The following CACNA1F variants were observed in gnomAD, a reference collection of about 807,000 sequenced individuals.
CACNA1F encodes the protein calcium voltage-gated channel subunit alpha1 F.
CACNA1F carries 59 observed loss-of-function variants against 143.8 expected under a neutral mutation model. The ratio of observed to expected loss-of-function variants is 0.41; its 90% CI spans 0.33 to 0.51. The LOEUF (loss-of-function observed/expected upper bound fraction) is 0.51. Ranked by LOEUF, CACNA1F falls within the 20% of genes least tolerant of loss-of-function variation. The probability of loss-of-function intolerance (pLI) is 0.22; values close to 1 mark genes in which losing one functional copy is unlikely to be tolerated. For missense variants in CACNA1F, 1,411 were observed against 1,647.5 expected, an observed-to-expected ratio of 0.86 and a Z score of 2.48; for synonymous variants, 643 against 649.1, an observed-to-expected ratio of 0.99 and a Z score of 0.14.
In CACNA1F at chrX:49,214,173, C is replaced by T. The variant is rs1486493194; in HGVS notation, c.3694G>A (p.Ala1232Thr). 3.4e-6 allele frequency: 4 copies of T among 1,190,159 alleles called. No homozygotes were observed. Among genetic ancestry groups the T allele is most frequent in the Non-Finnish European group, 3.4e-6 (3 of 876,837 alleles). The stretch of plus-strand genomic sequence containing the variant: ...AGGGGGGCCACCTTGGGCTTGAAGG[C>T]GATGATTTTGAGCACCATCTCAATA... ...FTIEMVLKII[A>T]FKPKHYFTDA... The change falls in exon 30 of 48, where the codon GCC (alanine) becomes ACC (threonine). Residue 1232 changes from alanine (A) to threonine (T), a missense_variant. Physicochemically the swap from Ala to Thr is moderately conservative, Grantham distance 58 (BLOSUM62 0). This residue lies in a region of CACNA1F where 950 missense variants were observed against 1,128.1 expected (regional missense o/e 0.84). Transcript: ENST00000323022.
rs375862263 is a variant in CACNA1F, at chrX:49,219,759, CTCTTCT to C, written c.2412_2417del (p.Glu813_Glu814del). Reference sequence around the variant, plus strand: ...CCTCTTCCTCTTCTTCCTCTTCTTCCTCTTCTTCCTCCTCCTCCTCCTCCTCCATGT... The same window carrying C: ...CCTCTTCCTCTTCTTCCTCTTCTTCCTCCTCCTCCTCCTCCTCCTCCATGT... On this transcript the variant is annotated inframe_deletion, in exon 20 of 48. Coordinates refer to ENST00000323022, the MANE Select transcript of CACNA1F (RefSeq NM_001256789.3). 9 of 1,130,550 alleles carry C rather than the reference CTCTTCT, an allele frequency of 8.0e-6. No homozygotes were observed. In the African/African-American group the frequency reaches 8.3e-5, roughly 10 times the overall value. 93.2% of individuals were successfully genotyped at this position (1,130,550 alleles called of 1,213,427 possible). A position where few individuals can be genotyped will look rare whatever the true frequency, so the allele number is the denominator to read the frequency against.
intron 27 of CACNA1F, among the ~76,000 whole-genome samples, chrX:49,215,974 G>A (rs1301453986): frequency 4.6e-5 from 5 of 108,015 alleles, no homozygotes; most frequent in Admixed American, 1.0e-4. Flanking sequence ...TCCCCACAGA[G>A]CCCCACAATG....
rs782306171 is a variant in CACNA1F, at chrX:49,213,010, G to A, written c.3793-16C>T. The A allele has an allele frequency of 6.7e-6, 8 of 1,193,429 alleles. No homozygotes were observed. Among genetic ancestry groups the A allele is most frequent in the African/African-American group, 5.3e-5 (3 of 56,663 alleles). Reference sequence around the variant, plus strand: ...GGCCACCATTCTGGAGGGAGATATGGCCAAGAAAAAGGTGATACAGGAGAT... The same window carrying A: ...GGCCACCATTCTGGAGGGAGATATGACCAAGAAAAAGGTGATACAGGAGAT... On this transcript the variant is annotated splice_polypyrimidine_tract_variant and intron_variant, in intron 31 of 47. Transcript: ENST00000323022.
Position 49,219,788 on chromosome X carries a change from T to A in CACNA1F, c.2389A>T (p.Met797Leu), listed in dbSNP as rs781889554. ...EEGARREGAD[M>L]EEEEEEEEEE... ...TCTTCCTCCTCCTCCTCCTCCTCCA[T>A]GTCTGGCACCAGAGAAAAGCAAAAA... Residue 797 changes from methionine to leucine, a missense_variant and splice_region_variant, in exon 20 of 48, where the codon ATG (methionine) becomes TTG (leucine). By Grantham distance (15) the Met-to-Leu change is conservative (BLOSUM62 2). Around this residue, in one of 3 missense-constraint regions of CACNA1F, gnomAD observed 950 missense variants for 1,128.1 expected, o/e 0.84. Coordinates refer to ENST00000323022, the MANE Select transcript of CACNA1F (RefSeq NM_001256789.3). The A allele has an allele frequency of 7.5e-6, 8 of 1,064,155 alleles. No homozygotes were observed. The highest frequency in any genetic ancestry group is 1.0e-5 in the Non-Finnish European group (8 of 785,045). 87.7% of individuals were successfully genotyped at this position (1,064,155 alleles called of 1,213,427 possible). A position where few individuals can be genotyped will look rare whatever the true frequency, so the allele number is the denominator to read the frequency against.
At chrX:49,223,717 GTT>G (rs1174664897) in intron 14 of CACNA1F, among the ~76,000 whole-genome samples, 2 of 88,986 alleles carry the variant, frequency 2.2e-5, no homozygotes, top group African/African-American at 8.0e-5. Context: ...TTAGGATGGA[GTT>G]TTTTTTTTTC....
chrX:49,209,754 C>T lies in CACNA1F; in HGVS notation c.4696G>A (p.Glu1566Lys), dbSNP rs1001413951. The T allele has an allele frequency of 8.3e-7, 1 of 1,209,749 alleles. No homozygotes were observed. The highest frequency in any genetic ancestry group is 1.7e-5 in the African/African-American group (1 of 57,196). Residue 1566 changes from glutamate to lysine, a missense_variant, in exon 41 of 48, where the codon GAG becomes AAG. By Grantham distance (56) the Glu-to-Lys change is moderately conservative (BLOSUM62 1). Transcript: ENST00000323022. ...GCGTAGAATTTGCCCACGGTGACCTCCTCCTCTAGGGGCAAGGGAGAGAAG... is the reference window on the plus strand; with the variant it reads ...GCGTAGAATTTGCCCACGGTGACCTTCTCCTCTAGGGGCAAGGGAGAGAAG... The part of the protein sequence containing the change: ...DEVIPPPDEE[E>K]VTVGKFYATF...
chrX:49,206,603 T>C lies in CACNA1F; in HGVS notation c.5380A>G (p.Ile1794Val). Residue 1794 changes from isoleucine to valine, a missense_variant, in exon 46 of 48, where the codon ATC becomes GTC. This residue lies in a region of CACNA1F where 349 missense variants were observed against 350.2 expected (regional missense o/e 1.00). Coordinates refer to ENST00000323022, the MANE Select transcript of CACNA1F (RefSeq NM_001256789.3). The part of the protein sequence containing the change: ...TPAGRKPSFT[I>V]QCLQRQGSCE... ...CTGCCCTGGCGCTGCAGACACTGGA[T>C]GGTGAAGGAGGGCTTCCGACCTGGG... 8.3e-7 allele frequency: 1 copy of C among 1,207,953 alleles called. No homozygotes were observed. The highest frequency in any genetic ancestry group is 1.1e-6 in the Non-Finnish European group (1 of 893,126).
chrX:49,219,547 C>T (rs900892258), intron 20 of CACNA1F, 87 bp downstream of exon 20: 220 of 1,171,558 alleles, frequency 1.9e-4, no homozygotes, highest in Admixed American at 7.6e-4. Flanking sequence ...AACACCCATG[C>T]CCCCACTCCC....
At chrX:49,206,268 C>T (rs1464264827) in intron 46 of CACNA1F, among the ~76,000 whole-genome samples, 2 of 108,657 alleles carry the variant, frequency 1.8e-5, no homozygotes, top group African/African-American at 6.7e-5. Context: ...TGGTGAGCAC[C>T]TGTAATCCCA....
intron 6 of CACNA1F, among the ~76,000 whole-genome samples, chrX:49,229,798 G>A (rs913567207): frequency 3.9e-4 from 43 of 109,167 alleles, no homozygotes; most frequent in African/African-American, 1.4e-3. Flanking sequence ...ACAGGCGCCC[G>A]CCACCATGCC....
Position 49,226,439 on chromosome X carries a change from T to C in CACNA1F, c.1433A>G (p.Glu478Gly). 8.4e-7 allele frequency: 1 copy of C among 1,187,966 alleles called. No homozygotes were observed. The highest frequency in any genetic ancestry group is 1.1e-6 in the Non-Finnish European group (1 of 883,062). ...TETQGDEDEEEGALASCTRCL... is the reference protein window; with the variant it reads ...TETQGDEDEEGGALASCTRCL... Reference sequence around the variant, plus strand: ...GCGTGTACAGCTGGCCAGAGCCCCCTCCTCCTCATCCTCATCGCCTTGGGT... The same window carrying C: ...GCGTGTACAGCTGGCCAGAGCCCCCCCCTCCTCATCCTCATCGCCTTGGGT... The change falls in exon 11 of 48, where the codon GAG becomes GGG. Residue 478 changes from glutamate to glycine, a missense_variant. Transcript: ENST00000323022.
At chrX:49,223,699 A>G (rs192734970) in intron 14 of CACNA1F, among the ~76,000 whole-genome samples, 56 of 93,995 alleles carry the variant, frequency 6.0e-4, no homozygotes, top group African/African-American at 2.1e-3. Context: ...GGAGACTGGG[A>G]GATGAGGTTA....
intron 47 of CACNA1F, 80 bp from the exon 48 acceptor site, chrX:49,205,447 T>A (rs1017844919): frequency 1.2e-6 from 1 of 863,937 alleles, no homozygotes; most frequent in Non-Finnish European, 1.7e-6. Context: ...GACGTGCCCA[T>A]GAGGGCATGT....
chrX:49,228,067 C>A lies in CACNA1F; in HGVS notation c.1087G>T (p.Val363Phe). ...VSLVIFGSFF[V>F]LNLVLGVLSG... Reference sequence around the variant, plus strand: ...AGGACGCCAAGCACAAGGTTGAGGACGAAGAAGGACCCAAAGATGACAAGG... The same window carrying A: ...AGGACGCCAAGCACAAGGTTGAGGAAGAAGAAGGACCCAAAGATGACAAGG... The change falls in exon 8 of 48, where the codon GTC becomes TTC. Residue 363 changes from valine (V) to phenylalanine (F), a missense_variant. By Grantham distance (50) the Val-to-Phe change is conservative. Coordinates refer to ENST00000323022, the MANE Select transcript of CACNA1F (RefSeq NM_001256789.3). The A allele has an allele frequency of 1.7e-6, 2 of 1,210,274 alleles. No homozygotes were observed. Among genetic ancestry groups the A allele is most frequent in the African/African-American group, 3.5e-5 (2 of 57,654 alleles).
At position 49,228,305 on chromosome X, in the gene CACNA1F, C is replaced by T. The variant is rs782531308; in HGVS notation, c.960G>A (p.Met320Ile). Reference protein sequence around the residue: ...ITNFDNFFFAMLTVFQCVTME... With the variant: ...ITNFDNFFFAILTVFQCVTME... The stretch of plus-strand genomic sequence containing the variant: ...TGGTGACACACTGGAAGACTGTCAG[C>T]ATGGCGAAGAAGAAGTTGTCAAAGT... Residue 320 changes from methionine to isoleucine, a missense_variant, in exon 7 of 48, where the codon ATG becomes ATA. Coordinates refer to ENST00000323022, the MANE Select transcript of CACNA1F (RefSeq NM_001256789.3). The T allele has an allele frequency of 1.7e-6, 2 of 1,211,825 alleles. No homozygotes were observed. Among genetic ancestry groups the T allele is most frequent in the Non-Finnish European group, 2.2e-6 (2 of 895,312 alleles).
intron 21 of CACNA1F, 29 bp from the exon 22 acceptor site, chrX:49,218,970 C>T (rs782158103): frequency 7.9e-6 from 9 of 1,135,147 alleles, no homozygotes; most frequent in Non-Finnish European, 9.7e-6. Context: ...CGGGGAGCCA[C>T]TGAGTCACGG....
chrX:49,209,455 C>T, intron 41 of CACNA1F, 62 bp from the exon 42 acceptor site: 1 of 1,170,610 alleles, frequency 8.5e-7, no homozygotes, highest in Non-Finnish European at 1.2e-6. Flanking sequence ...CTCTGTTTCC[C>T]CTGCAGGCGG....
chrX:49,208,692 G>C lies in CACNA1F; in HGVS notation c.4954-8C>G, dbSNP rs782493490. ...CTGGGAGACCATCGTGGCCTGTGGA[G>C]AGTCACAGGACTGAGTGTTGCATGC... On this transcript the variant is annotated splice_polypyrimidine_tract_variant and splice_region_variant and intron_variant, in intron 42 of 47. Coordinates refer to ENST00000323022, the MANE Select transcript of CACNA1F (RefSeq NM_001256789.3). 3 of 1,205,123 alleles carry C rather than the reference G, an allele frequency of 2.5e-6. No individual in the cohort carries two copies. The Admixed American group carries it at 6.6e-5, about 26-fold the overall frequency.
At position 49,226,401 on chromosome X, in the gene CACNA1F, G is replaced by C. The variant is rs782710699; in HGVS notation, c.1463+8C>G. 8.5e-7 allele frequency: 1 copy of C among 1,176,355 alleles called. No individual in the cohort carries two copies. Among genetic ancestry groups the C allele is most frequent in the Non-Finnish European group, 1.1e-6 (1 of 875,519 alleles). ...TTCTGGGCTGGGTCAGGGGCTGGGG[G>C]CCCTCACAGGCAGCGTGTACAGCTG... On this transcript the variant is annotated splice_region_variant and intron_variant, in intron 11 of 47. Transcript: ENST00000323022.
Sources: gnomAD v4.1 joint callset for allele counts (sites outside exome capture counted in the v4.1 genomes callset) on GRCh38, gnomAD v4.1.1 for gene constraint, gnomAD v4.1.1 regional missense constraint, MANE v1.5 for transcripts, NCBI Gene and HGNC (gene_info 2026-07-23, HGNC 2026-07-21) for gene names.